TENM2: variants seen among roughly 807,000 people sequenced by gnomAD.
The protein encoded by TENM2 is teneurin-2.
TENM2 carries 52 observed loss-of-function variants against 245.2 expected under a neutral mutation model. The observed-to-expected ratio is 0.21, with a 90% CI of 0.17 to 0.27. The LOEUF is 0.27. Among genes scored for constraint, TENM2 ranks in the 10% least tolerant of loss-of-function variants. The pLI is 1.00. For missense variants in TENM2, 3,046 were observed against 3,666.8 expected (o/e 0.83, Z 4.37); for synonymous variants, 1,363 against 1,438.9 (o/e 0.95, Z 1.19).
At chr5:168,113,899 C>T (rs918795810) in intron 9 of TENM2, among the ~76,000 whole-genome samples, 5 of 152,122 alleles carry the variant, frequency 3.3e-5, no homozygotes, top group African/African-American at 1.2e-4. Context: ...GAGAGACATG[C>T]GGAGACAGAA....
At chr5:167,615,198 T>A (rs191493835) in intron 2 of TENM2, among the ~76,000 whole-genome samples, 36 of 152,284 alleles carry the variant, frequency 2.4e-4, no homozygotes, top group African/African-American at 7.5e-4. Flanking sequence ...GACTGTCCTG[T>A]TACCGTGAAT....
At chr5:167,607,923 T>C (rs1438796493) in intron 2 of TENM2, among the ~76,000 whole-genome samples, 1 of 152,170 alleles carries the variant, frequency 6.6e-6, no homozygotes, top group Non-Finnish European at 1.5e-5. Context: ...CTTTTTATTA[T>C]AACAGAAAAT....
intron 4 of TENM2, among the ~76,000 whole-genome samples, chr5:167,974,001 A>AAGGGAGGGAGGG (rs745782174): frequency 2.1e-5 from 2 of 95,524 alleles, no homozygotes; most frequent in African/African-American, 1.1e-4. Flanking sequence ...GGAAGGGAGA[A>AAGGGAGGGAGGG]AGGGAGGGAG....
intron 4 of TENM2, among the ~76,000 whole-genome samples, chr5:167,982,295 T>C: frequency 6.6e-6 from 1 of 152,340 alleles, no homozygotes; most frequent in South Asian, 2.1e-4. Flanking sequence ...TTCTGTTTAT[T>C]TGTTCTGTCT....
chr5:167,048,407 G>A, the TENM2 span, among the ~76,000 whole-genome samples: 3 of 152,104 alleles, frequency 2.0e-5, no homozygotes, highest in African/African-American at 7.2e-5. Flanking sequence ...TTAGTTATAA[G>A]GTTTAAATGA....
intron 13 of TENM2, chr5:168,186,083 G>A (rs2152501172): frequency 2.0e-5 from 3 of 150,970 alleles, no homozygotes; most frequent in South Asian, 4.2e-4. Flanking sequence ...TTAATGCAAG[G>A]AAACTACAAC....
the TENM2 span, among the ~76,000 whole-genome samples, chr5:167,140,120 A>G: frequency 5.3e-5 from 8 of 152,170 alleles, no homozygotes; most frequent in Non-Finnish European, 1.2e-4. Flanking sequence ...GGCATTTGAC[A>G]CACTATCTGA....
chr5:168,021,526 A>G (rs2151909151), intron 5 of TENM2, among the ~76,000 whole-genome samples: 1 of 152,268 alleles, frequency 6.6e-6, no homozygotes, highest in South Asian at 2.1e-4. Flanking sequence ...TTATCCTGGT[A>G]TCCACGTTTT....
the TENM2 span, among the ~76,000 whole-genome samples, chr5:167,206,498 G>A: frequency 1.3e-5 from 2 of 152,212 alleles, no homozygotes; most frequent in Middle Eastern, 6.8e-3. Flanking sequence ...AGATACCTCA[G>A]GCAGGACATA....
chr5:167,228,186 C>T, the TENM2 span, among the ~76,000 whole-genome samples: 38 of 151,852 alleles, frequency 2.5e-4, no homozygotes, highest in South Asian at 4.2e-4. Context: ...TGCATCACCA[C>T]GCATAGCTAA....
intron 7 of TENM2, among the ~76,000 whole-genome samples, chr5:168,080,061 AG>A (rs1318121343): frequency 1.3e-5 from 2 of 152,130 alleles, no homozygotes; most frequent in African/African-American, 4.8e-5. Flanking sequence ...ATCTGGTCCT[AG>A]ACTTTTTTTG....
chr5:167,014,830 G>C, the TENM2 span, among the ~76,000 whole-genome samples: 1 of 152,194 alleles, frequency 6.6e-6, no homozygotes. Context: ...AATCCCAGAA[G>C]TGACATTTCA....
intron 2 of TENM2, among the ~76,000 whole-genome samples, chr5:167,571,719 A>G (rs1017344258): frequency 5.3e-5 from 8 of 152,072 alleles, no homozygotes; most frequent in African/African-American, 1.7e-4. Flanking sequence ...TGTTCAATAA[A>G]CCTCGGGCCC....
intron 2 of TENM2, among the ~76,000 whole-genome samples, chr5:167,380,412 T>C (rs1362356071): frequency 2.6e-5 from 4 of 152,158 alleles, no homozygotes; most frequent in African/African-American, 9.7e-5. Context: ...TTTTGGCAAA[T>C]TAAGCAATTC....
chr5:167,677,715 T>C (rs192598915), intron 2 of TENM2, among the ~76,000 whole-genome samples: 1 of 149,048 alleles, frequency 6.7e-6, no homozygotes, highest in African/African-American at 2.4e-5. Context: ...TATTTATATA[T>C]GATAATTATA....
chr5:166,979,200 G>GCAGCAGCAGCAGCAGCAA, the TENM2 span, among the ~76,000 whole-genome samples: 1 of 61,402 alleles, frequency 1.6e-5, no homozygotes, highest in Non-Finnish European at 4.9e-5. Flanking sequence ...ACCACCAGCA[G>GCAGCAGCAGCAGCAGCAA]CAGCAGCAGC....
At chr5:167,609,282 C>T (rs981897) in intron 2 of TENM2, among the ~76,000 whole-genome samples, 1 of 151,970 alleles carries the variant, frequency 6.6e-6, no homozygotes, top group African/African-American at 2.4e-5. Context: ...AGTCGCATTT[C>T]TTGCCTATGC....
At chr5:168,216,845 A>G (rs1028630855) in exon 22 of TENM2, 4 of 1,613,844 alleles carry the variant, frequency 2.5e-6, no homozygotes, top group African/African-American at 2.7e-5. Context: ...GAATGGAATC[A>G]TCTCCACCCT....
At chr5:167,431,969 A>ATATACACACATATATATACATATATATG (rs1764276274) in intron 2 of TENM2, among the ~76,000 whole-genome samples, 1 of 139,896 alleles carries the variant, frequency 7.1e-6, no homozygotes, top group Admixed American at 7.4e-5. Flanking sequence ...ATGTATATAT[A>ATATACACACATATATATACATATATATG]TATATATATG....
Sources: gnomAD v4.1 joint callset for allele counts (sites outside exome capture counted in the v4.1 genomes callset) on GRCh38, gnomAD v4.1.1 for gene constraint, MANE v1.5 for transcripts, NCBI Gene and HGNC (gene_info 2026-07-23, HGNC 2026-07-21) for gene names.